ATXN7: variants seen among roughly 807,000 people sequenced by gnomAD.
ATXN7 encodes the protein ataxin-7.
ATXN7 carries 12 observed loss-of-function variants against 70.5 expected under a neutral mutation model. The ratio of observed to expected loss-of-function variants is 0.17; its 90% confidence interval spans 0.11 to 0.28. The LOEUF (loss-of-function observed/expected upper bound fraction) is 0.28. Among genes scored for constraint, ATXN7 ranks in the 10% least tolerant of loss-of-function variants. The pLI, the probability that ATXN7 is intolerant of heterozygous loss-of-function variation, is 1.00. For missense variants in ATXN7, 1,256 were observed against 1,131.7 expected (o/e 1.11, Z -1.58); for synonymous variants, 498 against 448.7 (o/e 1.11, Z -1.39).
At chr3:63,944,167 T>C (rs1424149903) in intron 4 of ATXN7, among the ~76,000 whole-genome samples, 2 of 152,202 alleles carry the variant, frequency 1.3e-5, no homozygotes, top group Admixed American at 1.3e-4. Flanking sequence ...TTCCCCCGTA[T>C]CTGCGGGGGA....
intron 9 of ATXN7, 117 bp from the exon 10 acceptor site, chr3:63,990,059 C>A: frequency 3.3e-6 from 3 of 921,686 alleles, no homozygotes; most frequent in Non-Finnish European, 4.9e-6. Flanking sequence ...TCCCCCAGTG[C>A]TAGAGGTGGA....
rs993083562 is a variant in ATXN7 at position 63,912,481 on chromosome 3, G to A, written c.-11-107G>A. The A allele has an allele frequency of 1.0e-5, 7 of 699,234 alleles. No individual in the cohort carries two copies. In the East Asian group the frequency reaches 5.2e-4, roughly 52 times the overall value. The allele number at this position is 699,234 out of a possible 1,614,324, so 43.3% of individuals were successfully genotyped here. A position where few individuals can be genotyped will look rare whatever the true frequency, so the allele number is the denominator to read the frequency against. ...GGGCGGCCATGGGGGCGCTGTCAGCGTGCCCCACCCGGTCCGCGGGCCGCG... is the reference window on the plus strand; with the variant it reads ...GGGCGGCCATGGGGGCGCTGTCAGCATGCCCCACCCGGTCCGCGGGCCGCG... On this transcript the variant is annotated intron_variant, in intron 2 of 12. Transcript: ENST00000674280.
intron 2 of ATXN7, among the ~76,000 whole-genome samples, chr3:63,910,895 C>T (rs551046138): frequency 1.3e-5 from 2 of 152,034 alleles, no homozygotes; most frequent in African/African-American, 4.8e-5. Context: ...ACCCCAAACC[C>T]TCTCTAGCAA....
chr3:63,963,997 G>T (rs2075176132), intron 5 of ATXN7, among the ~76,000 whole-genome samples: 1 of 151,984 alleles, frequency 6.6e-6, no homozygotes, highest in East Asian at 1.9e-4. Flanking sequence ...ATCTCCAAAG[G>T]AGTAGGTGTT....
chr3:63,884,211 A>G (rs200214751), intron 1 of ATXN7, among the ~76,000 whole-genome samples: 16,151 of 127,452 alleles, frequency 0.13, 1,075 homozygotes, highest in East Asian at 0.25. Context: ...GCGCACACAC[A>G]CACACACACA....
At chr3:63,873,785 C>T (rs1019508680) in intron 1 of ATXN7, 6 of 152,226 alleles carry the variant, frequency 3.9e-5, no homozygotes, top group African/African-American at 1.4e-4. Context: ...CTTACTGCAG[C>T]GTTGACCTCC....
At chr3:63,988,463 GAAA>G in intron 9 of ATXN7, 139 bp downstream of exon 9, 1 of 913,698 alleles carries the variant, frequency 1.1e-6, no homozygotes, top group East Asian at 3.5e-5. Context: ...GTTTTACTAT[GAAA>G]AAAAAAAAGG....
At chr3:63,999,351 G>A (rs931255330) in intron 12 of ATXN7, 99 bp from the exon 13 acceptor site, 19 of 1,001,420 alleles carry the variant, frequency 1.9e-5, no homozygotes, top group South Asian at 1.2e-4. Flanking sequence ...CTTTAGTAGC[G>A]TGCAGCCTTT....
At chr3:63,938,836 A>G (rs2074707904) in intron 4 of ATXN7, among the ~76,000 whole-genome samples, 1 of 152,236 alleles carries the variant, frequency 6.6e-6, no homozygotes, top group Admixed American at 6.5e-5. Flanking sequence ...CTCTTTAAAT[A>G]AAGCTACCTT....
At chr3:63,940,988 T>C (rs548865650) in intron 4 of ATXN7, among the ~76,000 whole-genome samples, 5 of 152,278 alleles carry the variant, frequency 3.3e-5, no homozygotes, top group African/African-American at 7.2e-5. Context: ...ACCTGTCGTG[T>C]GTACTGCCAT....
Position 63,996,143 on chromosome 3 carries a change from A to C in ATXN7, c.2321A>C (p.Gln774Pro), listed in dbSNP as rs768875277. ...KANAVNVRHD[Q>P]SGRGPPTGSP... ...AATGCGGTGAACGTCCGGCATGACC[A>C]GTCAGGGAGGGGCCCCCCCACCGGG... Residue 774 changes from glutamine (Q) to proline (P), a missense_variant, in exon 12 of 13, where the codon CAG becomes CCG. By Grantham distance (76) the Gln-to-Pro change is moderately conservative (BLOSUM62 -1). Coordinates refer to ENST00000674280, the MANE Select transcript of ATXN7 (RefSeq NM_001377405.1). 1.9e-6 allele frequency: 3 copies of C among 1,614,148 alleles called. No homozygotes were observed.
At chr3:63,880,655 C>T (rs1484133741) in intron 1 of ATXN7, among the ~76,000 whole-genome samples, 2 of 151,978 alleles carry the variant, frequency 1.3e-5, no homozygotes, top group African/African-American at 4.8e-5. Flanking sequence ...TGCTTGCTGC[C>T]ACCCTCATCT....
intron 4 of ATXN7, among the ~76,000 whole-genome samples, chr3:63,944,338 A>G (rs1002388152): frequency 1.3e-5 from 2 of 152,228 alleles, no homozygotes; most frequent in African/African-American, 4.8e-5. Flanking sequence ...AATAATAATT[A>G]TAACAGTATG....
In ATXN7 at chr3:63,941,496, C is replaced by T. The variant is rs545388017; in HGVS notation, c.395-10883C>T. ...ATTATATGCGGTGGAACAGTTTCAT[C>T]CTGAAACCATTCTCTCCTTGCCCCA... On this transcript the variant is annotated intron_variant, in intron 4 of 12. Coordinates refer to ENST00000674280, the MANE Select transcript of ATXN7 (RefSeq NM_001377405.1). Among the ~76,000 whole-genome samples, 4 of 152,292 alleles carry T rather than the reference C, an allele frequency of 2.6e-5. No homozygotes were observed. The South Asian group carries it at 6.2e-4, about 24-fold the overall frequency.
intron 1 of ATXN7, among the ~76,000 whole-genome samples, chr3:63,881,853 C>G (rs1702921761): frequency 6.6e-6 from 1 of 152,142 alleles, no homozygotes; most frequent in Non-Finnish European, 1.5e-5. Context: ...AGTAAAGGGG[C>G]TTACCGGCTG....
chr3:63,913,033 C>T, intron 3 of ATXN7, 110 bp downstream of exon 3: 3 of 1,282,630 alleles, frequency 2.3e-6, no homozygotes, highest in Non-Finnish European at 3.2e-6. Flanking sequence ...GGCAGAGATG[C>T]TATCGTTTGC....
chr3:63,947,768 C>T (rs1394200461), intron 4 of ATXN7, among the ~76,000 whole-genome samples: 2 of 152,086 alleles, frequency 1.3e-5, no homozygotes, highest in Admixed American at 6.6e-5. Context: ...GTGGTGACAG[C>T]TGAGCTGAGA....
chr3:63,866,173 C>T (rs1384486622), intron 1 of ATXN7, among the ~76,000 whole-genome samples: 2 of 152,112 alleles, frequency 1.3e-5, no homozygotes, highest in Admixed American at 6.5e-5. Context: ...TAGAAATTTT[C>T]TGGAGTAATA....
At chr3:63,948,805 C>T (rs1179694126) in intron 4 of ATXN7, among the ~76,000 whole-genome samples, 1 of 152,112 alleles carries the variant, frequency 6.6e-6, no homozygotes, top group Non-Finnish European at 1.5e-5. Flanking sequence ...GGTGCTGGCC[C>T]ACTCACTAAT....
Sources: gnomAD v4.1 joint callset for allele counts (sites outside exome capture counted in the v4.1 genomes callset) on GRCh38, gnomAD v4.1.1 for gene constraint, MANE v1.5 for transcripts, NCBI Gene and HGNC (gene_info 2026-07-23, HGNC 2026-07-21) for gene names.